Variants in MED12L observed in about 807,000 individuals in gnomAD.
MED12L encodes the protein mediator of RNA polymerase II transcription subunit 12-like protein.
Under a neutral mutation model 281.3 loss-of-function variants are expected in MED12L, and 60 were observed. The ratio of observed to expected loss-of-function variants is 0.21; its 90% CI spans 0.17 to 0.26. MED12L has a LOEUF of 0.26. Ranked by LOEUF, MED12L falls within the 10% of genes least tolerant of loss-of-function variation. The probability of loss-of-function intolerance (pLI) is 1.00; values close to 1 mark genes in which losing one functional copy is unlikely to be tolerated. For synonymous variants in MED12L, 974 were observed against 987.2 expected, an observed-to-expected ratio of 0.99 and a Z score of 0.25; for missense variants, 2,146 against 2,680.9, an observed-to-expected ratio of 0.80 and a Z score of 4.41.
At chr3:151,126,471 C>T (rs1432795316) in intron 4 of MED12L, among the ~76,000 whole-genome samples, 1 of 152,150 alleles carries the variant, frequency 6.6e-6, no homozygotes. Flanking sequence ...AAAGAATGAG[C>T]TCTTAAAAAG....
At chr3:151,214,358 C>A in intron 16 of MED12L, 1 of 1,550,406 alleles carries the variant, frequency 6.4e-7, no homozygotes, top group South Asian at 1.2e-5. Flanking sequence ...GAGGTGTGAA[C>A]TGGTCACTCA....
chr3:151,241,596 T>A (rs1734089182), intron 16 of MED12L, among the ~76,000 whole-genome samples: 2 of 152,152 alleles, frequency 1.3e-5, no homozygotes, highest in African/African-American at 4.8e-5. Flanking sequence ...ACACACACTT[T>A]CACAGTGGGT....
At chr3:151,116,751 GCTATA>G (rs1560063022) in intron 3 of MED12L, among the ~76,000 whole-genome samples, 1 of 152,208 alleles carries the variant, frequency 6.6e-6, no homozygotes, top group East Asian at 1.9e-4. Context: ...ACATACTAGT[GCTATA>G]TTCTAGATTT....
chr3:151,156,183 A>C lies in MED12L; in HGVS notation c.579A>C (p.Arg193Ser). ...PNLEWTQIST[R>S]YLREQLAKIS... is the part of the protein sequence containing the mutation. ...CAGAGTGGACACAGATATCTACCAG[A>C]TATCTTCGAGAGCAGTTGGCCAAGA... The change falls in exon 6 of 45, where the codon AGA (arginine) becomes AGC (serine). Residue 193 changes from arginine to serine, a missense_variant. By Grantham distance (110) the Arg-to-Ser change is moderately radical. Around this residue, in one of 9 missense-constraint regions of MED12L, gnomAD observed 722 missense variants for 861.2 expected, o/e 0.84. Transcript: ENST00000687756. 1.2e-6 allele frequency: 2 copies of C among 1,611,158 alleles called. No individual in the cohort carries two copies. Among genetic ancestry groups the C allele is most frequent in the Non-Finnish European group, 1.7e-6 (2 of 1,178,996 alleles).
intron 16 of MED12L, among the ~76,000 whole-genome samples, chr3:151,304,886 A>G (rs1746435367): frequency 6.6e-6 from 1 of 152,070 alleles, no homozygotes; most frequent in Non-Finnish European, 1.5e-5. Flanking sequence ...ACACAGTTGA[A>G]TTTATTTAGC....
chr3:151,425,470 G>T, intron 43 of MED12L: 1 of 349,310 alleles, frequency 2.9e-6, no homozygotes, highest in Non-Finnish European at 5.7e-6. Flanking sequence ...ATGTGATCAT[G>T]GCTCACTGCA....
intron 2 of MED12L, among the ~76,000 whole-genome samples, chr3:151,104,345 T>C (rs16863161): frequency 0.025 from 3,883 of 152,312 alleles, 129 homozygotes; most frequent in East Asian, 0.18. Context: ...CTTTCTCTTA[T>C]AAATATTTTG....
chr3:151,211,890 C>A (rs781727630), intron 16 of MED12L, among the ~76,000 whole-genome samples: 1 of 152,224 alleles, frequency 6.6e-6, no homozygotes, highest in Non-Finnish European at 1.5e-5. Context: ...CAGTGATCTG[C>A]CCACCTTTGC....
At chr3:151,159,747 A>T in intron 7 of MED12L, 85 bp from the exon 8 acceptor site, 12 of 1,317,770 alleles carry the variant, frequency 9.1e-6, no homozygotes, top group Non-Finnish European at 1.1e-5. Context: ...TATCTTTTTT[A>T]AATGAAAAAA....
At chr3:151,294,411 G>A (rs966287151) in intron 16 of MED12L, 9 of 1,614,060 alleles carry the variant, frequency 5.6e-6, no homozygotes, top group Non-Finnish European at 7.6e-6. Context: ...CTGTCTAAGT[G>A]ACTAAAAGTA....
chr3:151,424,314 A>G (rs1577620867), intron 43 of MED12L, among the ~76,000 whole-genome samples: 1 of 152,256 alleles, frequency 6.6e-6, no homozygotes, highest in African/African-American at 2.4e-5. Flanking sequence ...TTTTCTTACT[A>G]AACTGTGTAC....
At position 151,433,177 on chromosome 3, in the gene MED12L, G is replaced by GT. The variant is rs895876918; in HGVS notation, c.*386dup. On this transcript the variant is annotated 3_prime_UTR_variant, in exon 45 of 45. Transcript: ENST00000687756. ...TATTTCATTCATTAATGATGACGTT[G>GT]TTTTTTTTTTTTTAATTTTATTTTC... 87 of 156,568 alleles carry GT rather than the reference G, an allele frequency of 5.6e-4. No individual in the cohort carries two copies. The highest frequency in any genetic ancestry group is 1.4e-3 in the South Asian group (7 of 4,972). 9.7% of individuals were successfully genotyped at this position (156,568 alleles called of 1,614,324 possible). A position where few individuals can be genotyped will look rare whatever the true frequency, so the allele number is the denominator to read the frequency against.
At chr3:151,377,703 G>C (rs1454034436) in intron 30 of MED12L, among the ~76,000 whole-genome samples, 1 of 152,154 alleles carries the variant, frequency 6.6e-6, no homozygotes, top group African/African-American at 2.4e-5. Flanking sequence ...TGACAGAAAA[G>C]TATATTGTTT....
intron 5 of MED12L, among the ~76,000 whole-genome samples, chr3:151,151,239 G>A (rs888337263): frequency 2.4e-4 from 36 of 151,562 alleles, no homozygotes; most frequent in Admixed American, 1.5e-3. Flanking sequence ...GTGTTTCACC[G>A]TGTTAGCCAG....
At chr3:151,242,243 C>G (rs907544665) in intron 16 of MED12L, among the ~76,000 whole-genome samples, 5 of 152,154 alleles carry the variant, frequency 3.3e-5, no homozygotes, top group African/African-American at 4.8e-5. Flanking sequence ...ACAAAGCAGC[C>G]GGGAAGCTCA....
At chr3:151,139,278 A>G (rs923463258) in intron 5 of MED12L, among the ~76,000 whole-genome samples, 1 of 152,196 alleles carries the variant, frequency 6.6e-6, no homozygotes, top group Non-Finnish European at 1.5e-5. Context: ...TTCCAATCCT[A>G]TAATGAGCCA....
At chr3:151,256,735 T>A (rs570725067) in intron 16 of MED12L, among the ~76,000 whole-genome samples, 2 of 151,188 alleles carry the variant, frequency 1.3e-5, no homozygotes, top group Admixed American at 6.6e-5. Flanking sequence ...TTTTCTTAGG[T>A]AAGGAGAACA....
chr3:151,420,887 C>T (rs1417496143), intron 43 of MED12L, among the ~76,000 whole-genome samples: 7 of 152,186 alleles, frequency 4.6e-5, no homozygotes, highest in Non-Finnish European at 8.8e-5. Flanking sequence ...GATAGGCAAA[C>T]CCACATCCGG....
chr3:151,257,968 A>G (rs1394367369), intron 16 of MED12L, among the ~76,000 whole-genome samples: 1 of 152,206 alleles, frequency 6.6e-6, no homozygotes, highest in African/African-American at 2.4e-5. Flanking sequence ...TTGTAAATAG[A>G]TAACATAAGA....
Sources: gnomAD v4.1 joint callset for allele counts (sites outside exome capture counted in the v4.1 genomes callset) on GRCh38, gnomAD v4.1.1 for gene constraint, gnomAD v4.1.1 regional missense constraint, MANE v1.5 for transcripts, NCBI Gene and HGNC (gene_info 2026-07-23, HGNC 2026-07-21) for gene names.